The following DOCK10 variants were observed in gnomAD, a reference collection of about 807,000 sequenced individuals.
DOCK10 encodes dedicator of cytokinesis 10.
In DOCK10, 145 loss-of-function variants were observed where a neutral mutation model predicts 280.1. The observed-to-expected ratio is 0.52, with a 90% CI of 0.45 to 0.59. The LOEUF (loss-of-function observed/expected upper bound fraction) is 0.59. Ranked by LOEUF, DOCK10 falls within the 20% of genes least tolerant of loss-of-function variation. DOCK10 has a pLI of 0.00. For synonymous variants in DOCK10, 915 were observed against 942.2 expected, an observed-to-expected ratio of 0.97 and a Z score of 0.53; for missense variants, 2,368 against 2,651.7, an observed-to-expected ratio of 0.89 and a Z score of 2.35.
rs751090418 is a variant in DOCK10, at chr2:224,797,972, G to A, written c.4507-3C>T. 3.1e-6 allele frequency: 5 copies of A among 1,612,266 alleles called. No individual in the cohort carries two copies. The highest frequency in any genetic ancestry group is 2.2e-5 in the South Asian group (2 of 90,854). On this transcript the variant is annotated splice_polypyrimidine_tract_variant and splice_region_variant and intron_variant, in intron 41 of 55. Coordinates refer to ENST00000258390, the MANE Select transcript of DOCK10 (RefSeq NM_014689.3). ...CAGTCACATTGTTGGAGTTGTCTCT[G>A]GAAATTCAATGCAGATGTTATTCAG...
At chr2:224,817,688 T>A (rs908621772) in intron 29 of DOCK10, among the ~76,000 whole-genome samples, 10 of 152,192 alleles carry the variant, frequency 6.6e-5, no homozygotes, top group Non-Finnish European at 1.5e-4. Context: ...GCAAATTTCA[T>A]GCATGACAGG....
intron 1 of DOCK10, among the ~76,000 whole-genome samples, chr2:225,024,395 A>C (rs1689862094): frequency 2.0e-5 from 3 of 152,234 alleles, no homozygotes; most frequent in Admixed American, 6.5e-5. Context: ...ATTTATTCAC[A>C]GATGTTTAAA....
intron 1 of DOCK10, among the ~76,000 whole-genome samples, chr2:225,010,216 G>C (rs1046399988): frequency 6.6e-6 from 1 of 152,160 alleles, no homozygotes; most frequent in Non-Finnish European, 1.5e-5. Flanking sequence ...AGAGGATCAA[G>C]AGAGGAAGAA....
At chr2:224,785,223 TC>T (rs1691650049) in intron 50 of DOCK10, among the ~76,000 whole-genome samples, 1 of 151,994 alleles carries the variant, frequency 6.6e-6, no homozygotes, top group Admixed American at 6.6e-5. Flanking sequence ...CTTCTCTCTC[TC>T]CCAATGTGTG....
chr2:224,784,085 G>C (rs1691559814), intron 50 of DOCK10, among the ~76,000 whole-genome samples: 1 of 152,010 alleles, frequency 6.6e-6, no homozygotes, highest in Non-Finnish European at 1.5e-5. Context: ...TTTTGGACAT[G>C]GCTTGTTCTC....
chr2:224,838,318 T>C (rs1695724938), intron 24 of DOCK10, among the ~76,000 whole-genome samples: 2 of 152,220 alleles, frequency 1.3e-5, no homozygotes, highest in Non-Finnish European at 2.9e-5. Context: ...TGCAGTTGTT[T>C]TGTTTTGCTT....
At chr2:224,784,124 T>C (rs941650089) in intron 50 of DOCK10, among the ~76,000 whole-genome samples, 2 of 152,182 alleles carry the variant, frequency 1.3e-5, no homozygotes, top group African/African-American at 4.8e-5. Flanking sequence ...CCTTTCTCCA[T>C]CTCTGGAGAC....
chr2:224,940,920 C>T (rs1034039732), intron 1 of DOCK10, among the ~76,000 whole-genome samples: 19 of 152,226 alleles, frequency 1.2e-4, no homozygotes, highest in Admixed American at 8.5e-4. Context: ...TCTTCCTCCC[C>T]CCATTTTCAT....
chr2:224,830,837 G>A (rs1437446747), intron 26 of DOCK10, among the ~76,000 whole-genome samples: 1 of 152,122 alleles, frequency 6.6e-6, no homozygotes, highest in Non-Finnish European at 1.5e-5. Flanking sequence ...TATTTGGCAT[G>A]ACTGACTAAG....
chr2:224,800,507 G>A (rs750125352), intron 40 of DOCK10, among the ~76,000 whole-genome samples: 7 of 151,972 alleles, frequency 4.6e-5, no homozygotes, highest in Non-Finnish European at 8.8e-5. Context: ...GTTCTTTTCC[G>A]TTAATTTGGC....
intron 18 of DOCK10, 101 bp downstream of exon 18, chr2:224,852,276 C>A (rs1696795716): frequency 1.1e-5 from 9 of 824,436 alleles, no homozygotes; most frequent in African/African-American, 1.7e-5. Context: ...TAAATTACTG[C>A]TCTTTCAACC....
Position 224,949,527 on chromosome 2 carries a change from G to A in DOCK10, c.124-17859C>T, listed in dbSNP as rs561039090. 8.5e-5 allele frequency among the ~76,000 whole-genome samples: 13 copies of A among 152,324 alleles called. 1 individual carries two copies. The highest frequency in any genetic ancestry group is 3.1e-4 in the African/African-American group (13 of 41,562). ...GTTCATTAGAGTTTGAAGGAGTCTG[G>A]GGAAGCTTTATAGAAAAGATATCTC... is the stretch of plus-strand genomic sequence containing the variant. On this transcript the variant is annotated intron_variant, in intron 1 of 55. Coordinates refer to ENST00000258390, the MANE Select transcript of DOCK10 (RefSeq NM_014689.3).
At chr2:224,958,996 T>C (rs1363043707) in intron 1 of DOCK10, among the ~76,000 whole-genome samples, 2 of 152,186 alleles carry the variant, frequency 1.3e-5, no homozygotes, top group East Asian at 1.9e-4. Context: ...GGGAAGGAGA[T>C]CCGCTACCTA....
At chr2:225,032,587 A>C (rs979038030) in intron 1 of DOCK10, among the ~76,000 whole-genome samples, 3 of 152,250 alleles carry the variant, frequency 2.0e-5, no homozygotes, top group Non-Finnish European at 2.9e-5. Context: ...AAAACAAAAA[A>C]TAAATGTCTT....
At chr2:224,887,540 G>A (rs768843865) in intron 4 of DOCK10, among the ~76,000 whole-genome samples, 1 of 152,122 alleles carries the variant, frequency 6.6e-6, no homozygotes, top group Non-Finnish European at 1.5e-5. Flanking sequence ...ATAACTAATG[G>A]TTGAATGGAA....
intron 1 of DOCK10, among the ~76,000 whole-genome samples, chr2:225,014,094 TTTTG>T (rs575816661): frequency 0.22 from 24,133 of 110,246 alleles, 2,214 homozygotes; most frequent in African/African-American, 0.27. Context: ...GTTTTTTTTT[TTTTG>T]TTTTTTTTTT....
chr2:224,813,310 C>G (rs1246258000), intron 31 of DOCK10, among the ~76,000 whole-genome samples: 1 of 152,178 alleles, frequency 6.6e-6, no homozygotes, highest in Non-Finnish European at 1.5e-5. Context: ...ATTATTGTGC[C>G]TCAGCCTTCT....
intron 1 of DOCK10, among the ~76,000 whole-genome samples, chr2:225,001,720 C>T (rs776878647): frequency 7.2e-5 from 11 of 152,194 alleles, no homozygotes; most frequent in Non-Finnish European, 1.5e-4. Context: ...TAATTTCACA[C>T]AGTTCTGGAG....
intron 1 of DOCK10, among the ~76,000 whole-genome samples, chr2:225,005,214 T>C (rs913169750): frequency 2.6e-5 from 4 of 152,196 alleles, no homozygotes; most frequent in African/African-American, 9.7e-5. Context: ...AAAATGGTGA[T>C]TTTATGCTTC....
Sources: gnomAD v4.1 joint callset for allele counts (sites outside exome capture counted in the v4.1 genomes callset) on GRCh38, gnomAD v4.1.1 for gene constraint, MANE v1.5 for transcripts, NCBI Gene and HGNC (gene_info 2026-07-23, HGNC 2026-07-21) for gene names.